The following BICD1 variants were observed in gnomAD, a reference collection of about 807,000 sequenced individuals.
BICD1 encodes the protein BICD cargo adaptor 1, also known as protein bicaudal D homolog 1.
BICD1 carries 35 observed loss-of-function variants against 92.5 expected under a neutral mutation model. The observed-to-expected ratio is 0.38, with a 90% CI of 0.29 to 0.50. The LOEUF (loss-of-function observed/expected upper bound fraction) is 0.50. Among genes scored for constraint, BICD1 ranks in the 20% least tolerant of loss-of-function variants. BICD1 has a pLI of 0.93. For synonymous variants in BICD1, 429 were observed against 465.1 expected, an observed-to-expected ratio of 0.92 and a Z score of 1.00; for missense variants, 950 against 1,189.8, an observed-to-expected ratio of 0.80 and a Z score of 2.97.
At chr12:32,369,244 G>GACCTC (rs773674396) in intron 9 of BICD1, among the ~76,000 whole-genome samples, 47 of 152,194 alleles carry the variant, frequency 3.1e-4, no homozygotes, top group Non-Finnish European at 5.7e-4. Flanking sequence ...GTTCCATCAG[G>GACCTC]ACCTCACCTC....
intron 2 of BICD1, among the ~76,000 whole-genome samples, chr12:32,229,141 C>T (rs1012032045): frequency 2.0e-5 from 3 of 152,134 alleles, no homozygotes; most frequent in Non-Finnish European, 2.9e-5. Context: ...ATCCCAGCCA[C>T]TCAGGAGGCT....
intron 1 of BICD1, among the ~76,000 whole-genome samples, chr12:32,145,715 G>A (rs897554774): frequency 3.9e-5 from 6 of 152,158 alleles, no homozygotes; most frequent in African/African-American, 1.4e-4. Context: ...TTATTTTAAG[G>A]CTGGAGTGAA....
At chr12:32,326,097 A>AG (rs1337138484) in intron 4 of BICD1, among the ~76,000 whole-genome samples, 14 of 151,036 alleles carry the variant, frequency 9.3e-5, no homozygotes, top group Non-Finnish European at 7.4e-5. Flanking sequence ...AAAAAAAAAA[A>AG]AAAAGAAAGT....
At chr12:32,306,315 C>A (rs1452509016) in intron 4 of BICD1, among the ~76,000 whole-genome samples, 193 bp downstream of exon 4, 2 of 152,132 alleles carry the variant, frequency 1.3e-5, no homozygotes, top group Non-Finnish European at 2.9e-5. Context: ...GCAATTTCGG[C>A]TCACTGCAAC....
intron 2 of BICD1, among the ~76,000 whole-genome samples, chr12:32,252,407 C>T (rs1429752348): frequency 6.6e-6 from 1 of 151,758 alleles, no homozygotes; most frequent in Non-Finnish European, 1.5e-5. Context: ...TAGCAGTGGT[C>T]TTACAAGTCG....
rs756293470 is a variant in BICD1 at position 32,129,524 on chromosome 12, CAAAA to C, written c.213+22000_213+22003del. Reference sequence around the variant, plus strand: ...TGGGCGACAGAGCGAGATTCCATCTCAAAAAAAAAAAAAAAAAAAAAAATTCTGT... The same window carrying C: ...TGGGCGACAGAGCGAGATTCCATCTCAAAAAAAAAAAAAAAAAAATTCTGT... On this transcript the variant is annotated intron_variant, in intron 1 of 9. Coordinates refer to ENST00000652176, the MANE Select transcript of BICD1 (RefSeq NM_001714.4). Among the ~76,000 whole-genome samples, 378 of 82,650 alleles carry C rather than the reference CAAAA, an allele frequency of 4.6e-3. 1 individual carries two copies. The highest frequency in any genetic ancestry group is 0.017 in the African/African-American group (356 of 20,866). The allele number at this position is 82,650 out of a possible 152,430, so 54.2% of individuals were successfully genotyped here.
intron 2 of BICD1, among the ~76,000 whole-genome samples, chr12:32,284,502 T>C (rs1309063787): frequency 1.3e-5 from 2 of 152,202 alleles, no homozygotes; most frequent in East Asian, 1.9e-4. Context: ...TCATTCTAAC[T>C]GAGATGTTCC....
chr12:32,365,876 G>A (rs1167612354), intron 8 of BICD1, among the ~76,000 whole-genome samples: 1 of 152,102 alleles, frequency 6.6e-6, no homozygotes, highest in Non-Finnish European at 1.5e-5. Context: ...ATGGGAAAAC[G>A]GAGTTAAAAA....
rs144582956 is a variant in BICD1 at position 32,341,105 on chromosome 12, G to C, written c.2764+2126G>C. On this transcript the variant is annotated intron_variant, in intron 8 of 9. Transcript: ENST00000652176. The stretch of plus-strand genomic sequence containing the variant: ...AAAGTCAGTTAGCATACATGAATGA[G>C]AGTACCATATATTGTCTTAAACTCT... Among the ~76,000 whole-genome samples, 785 of 152,288 alleles carry C rather than the reference G, an allele frequency of 5.2e-3. 7 individuals are homozygous for C. The highest frequency in any genetic ancestry group is 0.018 in the African/African-American group (751 of 41,550).
intron 6 of BICD1, among the ~76,000 whole-genome samples, chr12:32,336,391 A>G (rs1938126420): frequency 1.3e-5 from 2 of 152,226 alleles, no homozygotes; most frequent in Non-Finnish European, 2.9e-5. Flanking sequence ...TGTTTCGGAC[A>G]GCCTGCTGTA....
intron 1 of BICD1, among the ~76,000 whole-genome samples, chr12:32,194,542 A>T (rs1351536497): frequency 6.6e-6 from 1 of 152,240 alleles, no homozygotes; most frequent in East Asian, 1.9e-4. Flanking sequence ...TATACTGACA[A>T]CTAACCAGAA....
chr12:32,304,661 T>A (rs557124211), intron 3 of BICD1, among the ~76,000 whole-genome samples: 3 of 152,340 alleles, frequency 2.0e-5, no homozygotes, highest in South Asian at 4.1e-4. Context: ...CCGTGGGCCT[T>A]CATGACCAAG....
intron 4 of BICD1, among the ~76,000 whole-genome samples, chr12:32,315,653 T>C (rs1053690424): frequency 6.6e-6 from 1 of 152,206 alleles, no homozygotes; most frequent in Non-Finnish European, 1.5e-5. Flanking sequence ...CAATGCTTTA[T>C]AATTTTCAGA....
intron 2 of BICD1, among the ~76,000 whole-genome samples, chr12:32,227,179 G>A (rs919054275): frequency 6.6e-6 from 1 of 152,236 alleles, no homozygotes; most frequent in African/African-American, 2.4e-5. Context: ...GATGGTAACG[G>A]GGAGCACGGC....
chr12:32,141,802 A>G (rs546761580), intron 1 of BICD1, among the ~76,000 whole-genome samples: 11 of 152,146 alleles, frequency 7.2e-5, no homozygotes, highest in African/African-American at 2.4e-4. Context: ...AGCACTTACC[A>G]CAGATTCCCG....
At chr12:32,317,400 T>C (rs1948533223) in intron 4 of BICD1, among the ~76,000 whole-genome samples, 2 of 152,346 alleles carry the variant, frequency 1.3e-5, no homozygotes, top group South Asian at 4.1e-4. Flanking sequence ...ATCGCCATTC[T>C]AACTGGTGTG....
chr12:32,341,163 CT>C (rs142645013), intron 8 of BICD1, among the ~76,000 whole-genome samples: 4,455 of 152,072 alleles, frequency 0.029, 226 homozygotes, highest in African/African-American at 0.1. Flanking sequence ...TACCATTGAC[CT>C]TAGAAATGAT....
intron 1 of BICD1, among the ~76,000 whole-genome samples, chr12:32,142,361 G>C (rs560264399): frequency 7.6e-6 from 1 of 131,542 alleles, no homozygotes; most frequent in East Asian, 2.6e-4. Context: ...AGCTGAGATC[G>C]TGTCACCACA....
At chr12:32,107,972 G>A in intron 1 of BICD1, 1 of 452,340 alleles carries the variant, frequency 2.2e-6, no homozygotes, top group Non-Finnish European at 4.1e-6. Context: ...AGACTGTGTG[G>A]CACCTCAGCT....
Sources: gnomAD v4.1 joint callset for allele counts (sites outside exome capture counted in the v4.1 genomes callset) on GRCh38, gnomAD v4.1.1 for gene constraint, MANE v1.5 for transcripts, NCBI Gene and HGNC (gene_info 2026-07-23, HGNC 2026-07-21) for gene names.